Variants in MYO5A observed in about 807,000 individuals in gnomAD.
MYO5A encodes the protein unconventional myosin-Va.
A neutral mutation model predicts 249.7 loss-of-function variants in MYO5A; 98 were observed. The ratio of observed to expected loss-of-function variants is 0.39; its 90% CI spans 0.33 to 0.46. The LOEUF (loss-of-function observed/expected upper bound fraction) is 0.46, where lower values mean the gene tolerates loss of function less well. MYO5A is among the 20% of genes least tolerant of loss of function. MYO5A has a pLI of 0.98. For synonymous variants in MYO5A, 778 were observed against 810.6 expected (o/e 0.96, Z 0.68); for missense variants, 1,696 against 2,308.8 (o/e 0.73, Z 5.44).
intron 16 of MYO5A, among the ~76,000 whole-genome samples, chr15:52,382,697 A>G (rs7163569): frequency 0.89 from 135,984 of 152,258 alleles, 62,587 homozygotes; most frequent in Non-Finnish European, 1. Context: ...GAAAACAGAC[A>G]CCCTCTGATG....
In MYO5A at chr15:52,328,017, A is replaced by G. The variant is rs1596296163; in HGVS notation, c.4556-11T>C. 1.2e-6 allele frequency: 2 copies of G among 1,606,370 alleles called. No homozygotes were observed. Among genetic ancestry groups the G allele is most frequent in the Non-Finnish European group, 1.7e-6 (2 of 1,173,840 alleles). ...CACGTGGCTTCAGTTCTAAAAAAGA[A>G]AAAATAATAATTTTATATAACATGG... is the stretch of plus-strand genomic sequence containing the variant. On this transcript the variant is annotated splice_polypyrimidine_tract_variant and intron_variant, in intron 35 of 41. Coordinates refer to ENST00000399233, the MANE Select transcript of MYO5A (RefSeq NM_001382347.1).
chr15:52,406,613 T>C (rs543174137), intron 8 of MYO5A, among the ~76,000 whole-genome samples: 3 of 152,342 alleles, frequency 2.0e-5, no homozygotes, highest in South Asian at 2.1e-4. Flanking sequence ...AATGCCATCA[T>C]ATGATTTTAG....
chr15:52,466,783 C>A (rs1453449440), intron 1 of MYO5A, among the ~76,000 whole-genome samples: 1 of 152,138 alleles, frequency 6.6e-6, no homozygotes, highest in African/African-American at 2.4e-5. Context: ...GGATCCAGGC[C>A]CCTGGGGGTT....
In MYO5A at chr15:52,482,619, C is replaced by A. The variant is rs145925912; in HGVS notation, c.27+46161G>T. ...AGGTGAAATTTATTCCATTTGATAT[C>A]CCTAACATTAATTTCCTGTTCATAA... is the stretch of plus-strand genomic sequence containing the variant. On this transcript the variant is annotated intron_variant, in intron 1 of 41. Transcript: ENST00000399233. 2.3e-3 allele frequency among the ~76,000 whole-genome samples: 349 copies of A among 152,218 alleles called. 1 individual carries two copies. The highest frequency in any genetic ancestry group is 8.3e-3 in the African/African-American group (343 of 41,540).
chr15:52,463,938 A>G (rs1331122140), intron 1 of MYO5A, among the ~76,000 whole-genome samples: 2 of 152,216 alleles, frequency 1.3e-5, no homozygotes, highest in East Asian at 3.8e-4. Flanking sequence ...CCTTACTTAC[A>G]AAATAAACCA....
intron 35 of MYO5A, 61 bp from the exon 36 acceptor site, chr15:52,328,067 T>C (rs2038693015): frequency 1.5e-6 from 2 of 1,372,244 alleles, no homozygotes; most frequent in Non-Finnish European, 2.1e-6. Context: ...GCATGCATTG[T>C]GAGATATAAA....
intron 1 of MYO5A, among the ~76,000 whole-genome samples, chr15:52,445,528 T>C (rs1248611082): frequency 6.6e-6 from 1 of 152,216 alleles, no homozygotes; most frequent in Non-Finnish European, 1.5e-5. Flanking sequence ...ACTGAAAATG[T>C]AGAAGCAACT....
At chr15:52,340,812 T>C (rs2039344351) in intron 31 of MYO5A, among the ~76,000 whole-genome samples, 1 of 151,790 alleles carries the variant, frequency 6.6e-6, no homozygotes, top group Non-Finnish European at 1.5e-5. Context: ...GTCAGGCGTG[T>C]TGGGGCATGC....
intron 1 of MYO5A, among the ~76,000 whole-genome samples, chr15:52,435,477 C>A (rs574729754): frequency 1.3e-5 from 2 of 152,208 alleles, no homozygotes; most frequent in African/African-American, 4.8e-5. Context: ...CAGGGTTTCA[C>A]CGTGTTAGCC....
chr15:52,395,431 T>C (rs557099720), intron 11 of MYO5A, among the ~76,000 whole-genome samples: 10 of 152,272 alleles, frequency 6.6e-5, no homozygotes, highest in African/African-American at 2.4e-4. Context: ...AGATGAGGAT[T>C]TATTAAGGGT....
chr15:52,398,385 CA>C (rs1428707428), intron 9 of MYO5A, among the ~76,000 whole-genome samples: 1 of 152,182 alleles, frequency 6.6e-6, no homozygotes, highest in Non-Finnish European at 1.5e-5. Context: ...TCACATGTAT[CA>C]GTCAAATCTG....
chr15:52,424,875 G>A (rs2075360544), intron 4 of MYO5A, among the ~76,000 whole-genome samples: 1 of 152,182 alleles, frequency 6.6e-6, no homozygotes, highest in Non-Finnish European at 1.5e-5. Context: ...CCCTCAAAAT[G>A]TTAGGGTTCC....
intron 11 of MYO5A, among the ~76,000 whole-genome samples, chr15:52,393,866 G>C (rs543702923): frequency 6.6e-6 from 1 of 152,176 alleles, no homozygotes; most frequent in Admixed American, 6.5e-5. Context: ...GATGGTACGA[G>C]TATCTTCCAA....
intron 22 of MYO5A, among the ~76,000 whole-genome samples, chr15:52,367,732 T>C (rs906479285): frequency 6.6e-6 from 1 of 152,200 alleles, no homozygotes; most frequent in African/African-American, 2.4e-5. Flanking sequence ...TTAAGAGTTT[T>C]ACAAGGCTGA....
intron 1 of MYO5A, among the ~76,000 whole-genome samples, chr15:52,449,144 T>C (rs1397326900): frequency 2.6e-5 from 4 of 151,848 alleles, no homozygotes; most frequent in African/African-American, 9.7e-5. Flanking sequence ...AATTTTTGTA[T>C]TTTTAGTAGA....
intron 22 of MYO5A, among the ~76,000 whole-genome samples, chr15:52,369,404 A>G (rs1183861756): frequency 6.6e-6 from 1 of 152,228 alleles, no homozygotes; most frequent in Non-Finnish European, 1.5e-5. Flanking sequence ...TACTTTTACA[A>G]ATGTTTCAGC....
intron 1 of MYO5A, among the ~76,000 whole-genome samples, chr15:52,495,549 T>G (rs980669997): frequency 6.6e-6 from 1 of 152,176 alleles, no homozygotes; most frequent in South Asian, 2.1e-4. Flanking sequence ...GATTTTGTGT[T>G]CTCATCACAA....
intron 30 of MYO5A, among the ~76,000 whole-genome samples, chr15:52,343,822 T>G (rs944364665): frequency 1.3e-5 from 2 of 152,252 alleles, no homozygotes; most frequent in African/African-American, 2.4e-5. Context: ...TAGAGATGTA[T>G]CACATCTTAT....
chr15:52,518,519 A>G (rs993059812), intron 1 of MYO5A, among the ~76,000 whole-genome samples: 2 of 152,228 alleles, frequency 1.3e-5, no homozygotes, highest in African/African-American at 4.8e-5. Flanking sequence ...TACAGACAGC[A>G]TCTCCAGAAA....
Sources: allele counts gnomAD v4.1 joint callset (sites outside exome capture counted in the v4.1 genomes callset), GRCh38; gene constraint gnomAD v4.1.1; transcripts MANE v1.5; gene names NCBI Gene and HGNC (gene_info 2026-07-23, HGNC 2026-07-21).